Variants in ATRX observed in about 807,000 individuals in gnomAD.
The protein encoded by ATRX is chromatin remodeler ATRX.
In ATRX, 12 loss-of-function variants were observed where a neutral mutation model predicts 172.6. That is an observed-to-expected ratio of 0.07 (90% confidence interval 0.04 to 0.11). ATRX has a LOEUF of 0.11. ATRX is among the 10% of genes least tolerant of loss of function. ATRX has a pLI of 1.00. For synonymous variants in ATRX, 674 were observed against 594.7 expected (o/e 1.13, Z -1.94); for missense variants, 1,368 against 1,767.4 (o/e 0.77, Z 4.05).
chrX:77,610,312 C>T (rs182638841), intron 22 of ATRX, among the ~76,000 whole-genome samples: 1 of 112,123 alleles, frequency 8.9e-6, no homozygotes, highest in Non-Finnish European at 1.9e-5. Flanking sequence ...TTCCTGACCT[C>T]AGGAGAAAGC....
At position 77,663,824 on chromosome X, in the gene ATRX, G is replaced by A. The variant is rs112759632; in HGVS notation, c.3944-266C>T. 0.029 allele frequency among the ~76,000 whole-genome samples: 3,239 copies of A among 111,295 alleles called. 81 individuals are homozygous for A. Among genetic ancestry groups the A allele is most frequent in the African/African-American group, 0.085 (2,607 of 30,644 alleles). On this transcript the variant is annotated intron_variant, in intron 11 of 34. Transcript: ENST00000373344. ...CTTTGAAAATCATCTGTTTAGGGCC[G>A]GGTGCAGTGGCTCACACCTGTAATC...
At chrX:77,527,772 G>T (rs1240287977) in intron 30 of ATRX, among the ~76,000 whole-genome samples, 1 of 111,912 alleles carries the variant, frequency 8.9e-6, no homozygotes, top group East Asian at 2.8e-4. Context: ...ACAGCAGAGG[G>T]CTGAAGTCCG....
chrX:77,618,331 G>A (rs1426720714), intron 21 of ATRX, among the ~76,000 whole-genome samples: 1 of 111,877 alleles, frequency 8.9e-6, no homozygotes, highest in Non-Finnish European at 1.9e-5. Flanking sequence ...CCACTAGTCT[G>A]TTCAGGTTAT....
At chrX:77,747,448 C>T (rs1278131341) in intron 1 of ATRX, among the ~76,000 whole-genome samples, 2 of 110,766 alleles carry the variant, frequency 1.8e-5, no homozygotes, top group Middle Eastern at 4.6e-3. Context: ...TGCTTGAACC[C>T]CGGAGAAGGG....
chrX:77,653,875 T>C (rs1217238955), intron 14 of ATRX, among the ~76,000 whole-genome samples: 2 of 111,507 alleles, frequency 1.8e-5, no homozygotes, highest in African/African-American at 3.3e-5. Flanking sequence ...TGAATTAGAA[T>C]GGCTTAAATA....
chrX:77,735,598 C>CTAAATAAATAAA (rs200045391), intron 1 of ATRX, among the ~76,000 whole-genome samples: 1,188 of 60,109 alleles, frequency 0.02, 95 homozygotes, highest in South Asian at 0.031. Context: ...TCTCAAAAAA[C>CTAAATAAATAAA]TAAATAAATA....
Position 77,599,640 on chromosome X carries a change from A to C in ATRX, c.5787-60T>G, listed in dbSNP as rs919033380. ...ATTCAGATTGTTAGAAAAGCATAGGAAAGATGTAAACGTCAATTATAAGAG... is the reference window on the plus strand; with the variant it reads ...ATTCAGATTGTTAGAAAAGCATAGGCAAGATGTAAACGTCAATTATAAGAG... On this transcript the variant is annotated intron_variant, in intron 24 of 34. Transcript: ENST00000373344. 4 of 1,197,137 alleles carry C rather than the reference A, an allele frequency of 3.3e-6. No individual in the cohort carries two copies. In the African/African-American group the frequency reaches 7.1e-5, roughly 21 times the overall value.
intron 1 of ATRX, among the ~76,000 whole-genome samples, chrX:77,729,628 T>C (rs963150680): frequency 1.8e-5 from 2 of 112,290 alleles, no homozygotes; most frequent in Non-Finnish European, 3.7e-5. Flanking sequence ...AGTTTCAAAA[T>C]CATCATGTTT....
intron 15 of ATRX, among the ~76,000 whole-genome samples, chrX:77,645,776 A>G (rs1313905962): frequency 1.8e-5 from 2 of 112,461 alleles, no homozygotes; most frequent in Non-Finnish European, 3.8e-5. Context: ...ACATGTATAA[A>G]AATGTAATTT....
At chrX:77,577,924 A>G (rs782395653) in intron 27 of ATRX, among the ~76,000 whole-genome samples, 10 of 111,975 alleles carry the variant, frequency 8.9e-5, no homozygotes, top group South Asian at 3.7e-4. Flanking sequence ...TCTTAACTTC[A>G]TATCACTGAA....
intron 30 of ATRX, among the ~76,000 whole-genome samples, chrX:77,530,481 T>C (rs1354230926): frequency 9.0e-6 from 1 of 110,543 alleles, no homozygotes; most frequent in Non-Finnish European, 1.9e-5. Context: ...TGGTGGCAGG[T>C]ACCTGTAATC....
chrX:77,583,093 C>G (rs181136987), intron 27 of ATRX, among the ~76,000 whole-genome samples: 83 of 111,928 alleles, frequency 7.4e-4, no homozygotes, highest in African/African-American at 1.5e-3. Flanking sequence ...AAATCCTCAA[C>G]AAAACAGTAG....
At chrX:77,764,474 A>G (rs1464913440) in intron 1 of ATRX, among the ~76,000 whole-genome samples, 2 of 112,367 alleles carry the variant, frequency 1.8e-5, no homozygotes, top group African/African-American at 6.5e-5. Context: ...TACCTATTCT[A>G]CAGTCAACTT....
At chrX:77,592,753 G>A (rs782228335) in intron 26 of ATRX, among the ~76,000 whole-genome samples, 12 of 105,815 alleles carry the variant, frequency 1.1e-4, no homozygotes, top group Non-Finnish European at 2.3e-4. Context: ...CGGAGGTTGC[G>A]ATGAGCCGAG....
At chrX:77,537,115 G>C (rs1302323557) in intron 30 of ATRX, among the ~76,000 whole-genome samples, 2 of 111,965 alleles carry the variant, frequency 1.8e-5, no homozygotes, top group Non-Finnish European at 3.8e-5. Context: ...TATGGAGCTA[G>C]TGGCTCTTGT....
At chrX:77,527,678 G>A (rs782600095) in intron 30 of ATRX, among the ~76,000 whole-genome samples, 77 of 111,640 alleles carry the variant, frequency 6.9e-4, no homozygotes, top group African/African-American at 2.4e-3. Context: ...TGAATACAGG[G>A]AGCCAAGCAG....
In ATRX at chrX:77,618,890, C is replaced by T; in HGVS notation, c.5364G>A (p.Gln1788=). Residue 1788 remains glutamine (Q), a synonymous_variant, in exon 21 of 35, where the codon CAG becomes CAA. Coordinates refer to ENST00000373344, the MANE Select transcript of ATRX (RefSeq NM_000489.6). The stretch of plus-strand genomic sequence containing the variant: ...CATCTACCATGGTAGAATCTGCACA[C>T]TGACCATTTTGAATTGGATTTATAA... ...NRFINPIQNG[Q]CADSTMVDVR... 1 of 1,203,723 alleles carries T rather than the reference C, an allele frequency of 8.3e-7. No homozygotes were observed. The highest frequency in any genetic ancestry group is 3.0e-5 in the East Asian group (1 of 33,745).
At chrX:77,522,213 T>C (rs782778404) in intron 32 of ATRX, 50 bp downstream of exon 32, 22 of 1,202,100 alleles carry the variant, frequency 1.8e-5, no homozygotes, top group Non-Finnish European at 1.6e-5. Flanking sequence ...ACAAGGCACT[T>C]GAAATTGCCT....
chrX:77,572,965 T>C (rs1557068375), intron 28 of ATRX, among the ~76,000 whole-genome samples: 1 of 111,675 alleles, frequency 9.0e-6, no homozygotes, highest in African/African-American at 3.2e-5. Context: ...ATATTCTCCA[T>C]AGTTTAAAAT....
Sources: allele counts gnomAD v4.1 joint callset (sites outside exome capture counted in the v4.1 genomes callset), GRCh38; gene constraint gnomAD v4.1.1; transcripts MANE v1.5; gene names NCBI Gene and HGNC (gene_info 2026-07-23, HGNC 2026-07-21).